Variants in LRRIQ1 observed in about 807,000 individuals in gnomAD.
LRRIQ1 encodes leucine rich repeats and IQ motif containing 1.
A neutral mutation model predicts 211.9 loss-of-function variants in LRRIQ1; 210 were observed. That is an observed-to-expected ratio of 0.99 (90% CI 0.89 to 1.11). The LOEUF (loss-of-function observed/expected upper bound fraction) is 1.11. Among genes scored for constraint, LRRIQ1 ranks in the 50% most tolerant of loss-of-function variants. The pLI is 0.00. For missense variants in LRRIQ1, 2,136 were observed against 1,939.5 expected (o/e 1.10, Z -1.90); for synonymous variants, 699 against 650.1 (o/e 1.08, Z -1.14).
chr12:85,069,877 C>T (rs1341937636), intron 10 of LRRIQ1, among the ~76,000 whole-genome samples: 1 of 151,934 alleles, frequency 6.6e-6, no homozygotes, highest in Non-Finnish European at 1.5e-5. Context: ...CATTTTCTCC[C>T]ATTCTGTAGG....
At chr12:85,240,645 T>C (rs1227980160) in intron 26 of LRRIQ1, among the ~76,000 whole-genome samples, 2 of 152,078 alleles carry the variant, frequency 1.3e-5, no homozygotes, top group East Asian at 3.9e-4. Flanking sequence ...GGTACATACA[T>C]ACAGTGGATA....
rs780851782 is a variant in LRRIQ1, at chr12:85,229,508, C to T, written c.4823-9C>T. The T allele has an allele frequency of 6.9e-6, 11 of 1,589,736 alleles. No individual in the cohort carries two copies. The highest frequency in any genetic ancestry group is 6.9e-5 in the African/African-American group (5 of 72,950). ...AATAATAAGTACACGTTCCATATTTCTTTCACAGGTATAGAAGAAGACCCT... is the reference window on the plus strand; with the variant it reads ...AATAATAAGTACACGTTCCATATTTTTTTCACAGGTATAGAAGAAGACCCT... On this transcript the variant is annotated splice_polypyrimidine_tract_variant and intron_variant, in intron 24 of 26. Coordinates refer to ENST00000393217, the MANE Select transcript of LRRIQ1 (RefSeq NM_001079910.2).
chr12:85,116,151 T>C, intron 15 of LRRIQ1, among the ~76,000 whole-genome samples: 1 of 152,172 alleles, frequency 6.6e-6, no homozygotes. Flanking sequence ...GTTTGTTTGT[T>C]TGTTTGTTTG....
chr12:85,152,492 T>C, intron 20 of LRRIQ1, 123 bp downstream of exon 20: 1 of 598,806 alleles, frequency 1.7e-6, no homozygotes, highest in East Asian at 3.1e-5. Flanking sequence ...TAGAAGCCTC[T>C]GACTTCCTCC....
intron 24 of LRRIQ1, among the ~76,000 whole-genome samples, chr12:85,197,294 G>T (rs1429877407): frequency 6.6e-6 from 1 of 151,126 alleles, no homozygotes; most frequent in Non-Finnish European, 1.5e-5. Flanking sequence ...TCTAGAACTG[G>T]AAATACCATT....
chr12:85,126,964 G>A (rs570441386), intron 17 of LRRIQ1, among the ~76,000 whole-genome samples: 50 of 152,242 alleles, frequency 3.3e-4, no homozygotes, highest in Non-Finnish European at 5.3e-4. Flanking sequence ...TATTTCAAGG[G>A]AGCATTAGGA....
chr12:85,216,720 A>G (rs2137100096), intron 24 of LRRIQ1, among the ~76,000 whole-genome samples: 1 of 152,056 alleles, frequency 6.6e-6, no homozygotes, highest in South Asian at 2.1e-4. Context: ...CATTTCTCCA[A>G]TAGAATATGA....
intron 19 of LRRIQ1, among the ~76,000 whole-genome samples, chr12:85,149,627 C>T (rs1039215478): frequency 5.3e-5 from 8 of 151,704 alleles, no homozygotes; most frequent in African/African-American, 1.7e-4. Context: ...CTAGCCAATT[C>T]CTCCTGACAT....
rs140036174 is a variant in LRRIQ1 at position 85,232,826 on chromosome 12, A to G, written c.5016+70A>G. On this transcript the variant is annotated intron_variant, in intron 26 of 26. Coordinates refer to ENST00000393217, the MANE Select transcript of LRRIQ1 (RefSeq NM_001079910.2). ...GTGCTCAAATAAATGGCACTTTAAG[A>G]TATGTTTATAATTAAACTATGAAAA... The G allele has an allele frequency of 1.7e-5, 17 of 1,013,538 alleles. No homozygotes were observed. The East Asian group carries it at 3.9e-4, about 23-fold the overall frequency. The allele number at this position is 1,013,538 out of a possible 1,614,324, so 62.8% of individuals were successfully genotyped here.
chr12:85,244,678 A>G (rs1015568768), intron 26 of LRRIQ1, 111 bp from the exon 27 acceptor site: 1 of 919,346 alleles, frequency 1.1e-6, no homozygotes, highest in Non-Finnish European at 1.7e-6. Context: ...TATCATTTTG[A>G]AGAAGGTTGT....
intron 24 of LRRIQ1, among the ~76,000 whole-genome samples, chr12:85,208,760 C>T (rs1169032917): frequency 6.6e-6 from 1 of 152,154 alleles, no homozygotes; most frequent in Non-Finnish European, 1.5e-5. Flanking sequence ...TCTATTGTTA[C>T]TATGCATTAT....
chr12:85,264,093 T>C (rs534051137), exon 2 of LRRIQ1: 9 of 152,222 alleles, frequency 5.9e-5, no homozygotes, highest in African/African-American at 1.9e-4. Flanking sequence ...TTTATTAAAA[T>C]ATTTCATCTA....
intron 18 of LRRIQ1, among the ~76,000 whole-genome samples, chr12:85,133,637 G>A (rs944898292): frequency 7.9e-5 from 12 of 152,078 alleles, no homozygotes; most frequent in African/African-American, 2.4e-4. Context: ...ATGTTTCAGG[G>A]TTTGAAAAGG....
intron 18 of LRRIQ1, among the ~76,000 whole-genome samples, chr12:85,134,146 T>C (rs1592857705): frequency 1.3e-5 from 2 of 152,124 alleles, no homozygotes; most frequent in East Asian, 1.9e-4. Context: ...ACTGCAGAAA[T>C]CTTGCTCTAC....
At chr12:85,241,261 T>G (rs1895445389) in intron 26 of LRRIQ1, among the ~76,000 whole-genome samples, 2 of 152,066 alleles carry the variant, frequency 1.3e-5, no homozygotes, top group Non-Finnish European at 2.9e-5. Flanking sequence ...GTTTAAGGTC[T>G]TTGCACTTTA....
At chr12:85,156,292 C>A (rs982255503) in intron 23 of LRRIQ1, among the ~76,000 whole-genome samples, 1 of 151,652 alleles carries the variant, frequency 6.6e-6, no homozygotes, top group African/African-American at 2.4e-5. Context: ...GTTTTATACT[C>A]TTCTCACTTT....
chr12:85,185,714 C>T (rs1438300557), intron 24 of LRRIQ1, among the ~76,000 whole-genome samples: 26 of 151,858 alleles, frequency 1.7e-4, no homozygotes, highest in Admixed American at 1.7e-3. Flanking sequence ...TAATATTGTG[C>T]ATTATCTGTC....
In LRRIQ1 at chr12:85,151,503, A is replaced by C. The variant is rs549932698; in HGVS notation, c.4330-777A>C. ...GTATTCTAAGCATCTTTTTTCCCCC[A>C]AAAAATTACAGAAACATAGAAATTA... On this transcript the variant is annotated intron_variant, in intron 19 of 26. Transcript: ENST00000393217. Among the ~76,000 whole-genome samples, 13 of 151,784 alleles carry C rather than the reference A, an allele frequency of 8.6e-5. No individual in the cohort carries two copies. In the East Asian group the frequency reaches 9.7e-4, roughly 11 times the overall value.
intron 1 of LRRIQ1, among the ~76,000 whole-genome samples, chr12:85,257,656 A>G (rs1490648066): frequency 6.6e-6 from 1 of 151,804 alleles, no homozygotes; most frequent in African/African-American, 2.4e-5. Flanking sequence ...GGTAGTTATC[A>G]ATGGAAAGAT....
Sources: allele counts gnomAD v4.1 joint callset (sites outside exome capture counted in the v4.1 genomes callset), GRCh38; gene constraint gnomAD v4.1.1; transcripts MANE v1.5; gene names NCBI Gene and HGNC (gene_info 2026-07-23, HGNC 2026-07-21).